Variants in ITCH observed in about 807,000 individuals in gnomAD.
ITCH encodes itchy E3 ubiquitin protein ligase.
Under a neutral mutation model 126.8 loss-of-function variants are expected in ITCH, and 28 were observed. The ratio of observed to expected loss-of-function variants is 0.22; its 90% confidence interval spans 0.16 to 0.30. ITCH has a LOEUF of 0.30. Ranked by LOEUF, ITCH falls within the 10% of genes least tolerant of loss-of-function variation. ITCH has a pLI of 1.00. For missense variants in ITCH, 631 were observed against 1,032.4 expected (o/e 0.61, Z 5.33); for synonymous variants, 342 against 340.0 (o/e 1.01, Z -0.06).
At chr20:34,499,272 C>CTT (rs386393666) in intron 23 of ITCH, among the ~76,000 whole-genome samples, 2,765 of 23,018 alleles carry the variant, frequency 0.12, 1,133 homozygotes, top group Non-Finnish European at 0.16. Flanking sequence ...CTGTGCCCAG[C>CTT]TTTTTTTTTT....
intron 20 of ITCH, among the ~76,000 whole-genome samples, chr20:34,487,430 A>G (rs193180488): frequency 2.6e-5 from 4 of 152,080 alleles, no homozygotes; most frequent in Non-Finnish European, 5.9e-5. Context: ...TTGTTTTGCT[A>G]TTTGTCTCGC....
chr20:34,477,308 A>G (rs1172377961), intron 16 of ITCH, among the ~76,000 whole-genome samples: 1 of 152,216 alleles, frequency 6.6e-6, no homozygotes, highest in Non-Finnish European at 1.5e-5. Context: ...AGGCCGGTGG[A>G]TCACCTGAGG....
At chr20:34,364,087 A>G (rs911644992) in intron 1 of ITCH, among the ~76,000 whole-genome samples, 2 of 152,168 alleles carry the variant, frequency 1.3e-5, no homozygotes, top group Non-Finnish European at 2.9e-5. Flanking sequence ...TTTTAAGTGG[A>G]GAACTCAAGT....
At chr20:34,374,098 T>C (rs1006546399) in intron 2 of ITCH, among the ~76,000 whole-genome samples, 4 of 152,182 alleles carry the variant, frequency 2.6e-5, no homozygotes, top group African/African-American at 9.6e-5. Flanking sequence ...TTGGCCAGGA[T>C]GGACTTTTTA....
At chr20:34,390,228 CTCTG>C (rs1162340011) in intron 2 of ITCH, among the ~76,000 whole-genome samples, 1 of 152,028 alleles carries the variant, frequency 6.6e-6, no homozygotes, top group East Asian at 1.9e-4. Flanking sequence ...TCTGCAGATA[CTCTG>C]TCAGTCTTTA....
At chr20:34,395,098 C>A (rs910138937) in intron 3 of ITCH, among the ~76,000 whole-genome samples, 1 of 151,532 alleles carries the variant, frequency 6.6e-6, no homozygotes, top group Non-Finnish European at 1.5e-5. Flanking sequence ...CTGTGCGTGG[C>A]GGTGCACACC....
chr20:34,496,500 C>T (rs1296625046), intron 23 of ITCH, among the ~76,000 whole-genome samples: 1 of 151,906 alleles, frequency 6.6e-6, no homozygotes, highest in African/African-American at 2.4e-5. Flanking sequence ...CTTTTTATGT[C>T]CTCTTTATAA....
intron 7 of ITCH, among the ~76,000 whole-genome samples, chr20:34,427,696 T>C (rs1981735302): frequency 6.6e-6 from 1 of 152,232 alleles, no homozygotes; most frequent in Non-Finnish European, 1.5e-5. Context: ...TGTCTTTTTT[T>C]AGTATTATTA....
At chr20:34,476,355 G>C in intron 16 of ITCH, 1 of 1,337,520 alleles carries the variant, frequency 7.5e-7, no homozygotes, top group Non-Finnish European at 1.0e-6. Context: ...CCGGTCCCCG[G>C]CTCCTCAGCA....
At position 34,511,010 on chromosome 20, in the gene ITCH, C is replaced by CA. The variant is rs1213580667; in HGVS notation, c.*3217dup. On this transcript the variant is annotated 3_prime_UTR_variant, in exon 25 of 25. Coordinates refer to ENST00000374864, the MANE Select transcript of ITCH (RefSeq NM_031483.7). ...ATCCGAAATGTTACCGGGGTTGACT[C>CA]ACGGAATTAAATTTTTCCTCTATTT... The CA allele has an allele frequency of 1.3e-5, 2 of 152,188 alleles. No homozygotes were observed. Among genetic ancestry groups the CA allele is most frequent in the East Asian group, 3.8e-4 (2 of 5,204 alleles). The allele number at this position is 152,188 out of a possible 1,614,324, so 9.4% of individuals were successfully genotyped here.
intron 7 of ITCH, among the ~76,000 whole-genome samples, chr20:34,437,861 C>T (rs978437666): frequency 4.6e-5 from 7 of 152,178 alleles, no homozygotes; most frequent in South Asian, 2.1e-4. Flanking sequence ...GTTCTTCCCT[C>T]CTTTCTATCC....
At chr20:34,501,013 G>C (rs775102080) in intron 23 of ITCH, among the ~76,000 whole-genome samples, 1 of 152,184 alleles carries the variant, frequency 6.6e-6, no homozygotes, top group Non-Finnish European at 1.5e-5. Flanking sequence ...GTTTTGCTGG[G>C]TATAGTAATC....
At chr20:34,471,777 T>TTGTGTGTGTGTGTGTGTG (rs10667439) in intron 16 of ITCH, among the ~76,000 whole-genome samples, 1 of 53,832 alleles carries the variant, frequency 1.9e-5, no homozygotes, top group African/African-American at 6.4e-5. Context: ...GATAATAGGT[T>TTGTGTGTGTGTGTGTGTG]TGTGTGTGTG....
At chr20:34,478,097 C>T (rs1988397804) in intron 17 of ITCH, among the ~76,000 whole-genome samples, 1 of 152,148 alleles carries the variant, frequency 6.6e-6, no homozygotes, top group African/African-American at 2.4e-5. Flanking sequence ...TCAGGGTAAC[C>T]TTGTGATACA....
At chr20:34,421,571 G>A (rs1429997196) in intron 6 of ITCH, among the ~76,000 whole-genome samples, 2 of 151,756 alleles carry the variant, frequency 1.3e-5, no homozygotes. Context: ...CTTCTTGGAC[G>A]TTCATTGTAT....
At chr20:34,418,329 T>TA (rs2146197781) in intron 6 of ITCH, among the ~76,000 whole-genome samples, 1 of 152,278 alleles carries the variant, frequency 6.6e-6, no homozygotes, top group African/African-American at 2.4e-5. Context: ...TTTTATCATG[T>TA]ATACTCTGGA....
chr20:34,451,222 G>A (rs899673985), intron 12 of ITCH, among the ~76,000 whole-genome samples: 17 of 151,778 alleles, frequency 1.1e-4, no homozygotes, highest in Admixed American at 5.3e-4. Context: ...CCCGGGAGGC[G>A]GAGGTTGCAG....
At chr20:34,414,905 G>C (rs550923353) in intron 6 of ITCH, among the ~76,000 whole-genome samples, 2 of 152,328 alleles carry the variant, frequency 1.3e-5, no homozygotes, top group Non-Finnish European at 2.9e-5. Flanking sequence ...CATTATATGT[G>C]TGTTAGTAAA....
rs1170484500 is a variant in ITCH, at chr20:34,412,497, C to G, written c.213-18C>G. 6.4e-7 allele frequency: 1 copy of G among 1,554,990 alleles called. No individual in the cohort carries two copies. The highest frequency in any genetic ancestry group is 8.9e-7 in the Non-Finnish European group (1 of 1,127,344). The stretch of plus-strand genomic sequence containing the variant: ...ATTCAATAAAAATAATATTTTTTCC[C>G]TCTTTTTTCACTTTTAGTATCGTTA... On this transcript the variant is annotated intron_variant, in intron 4 of 24. Transcript: ENST00000374864.
Sources: gnomAD v4.1 joint callset for allele counts (sites outside exome capture counted in the v4.1 genomes callset) on GRCh38, gnomAD v4.1.1 for gene constraint, MANE v1.5 for transcripts, NCBI Gene and HGNC (gene_info 2026-07-23, HGNC 2026-07-21) for gene names.